The following NAV2 variants were observed in gnomAD, a reference collection of about 807,000 sequenced individuals.
The protein encoded by NAV2 is neuron navigator 2.
In NAV2, 54 loss-of-function variants were observed where a neutral mutation model predicts 223.2. The ratio of observed to expected loss-of-function variants is 0.24; its 90% CI spans 0.19 to 0.30. NAV2 has a LOEUF of 0.30. Ranked by LOEUF, NAV2 falls within the 10% of genes least tolerant of loss-of-function variation. The pLI, the probability that NAV2 is intolerant of heterozygous loss-of-function variation, is 1.00. For synonymous variants in NAV2, 1,279 were observed against 1,239.3 expected, an observed-to-expected ratio of 1.03 and a Z score of -0.67; for missense variants, 2,806 against 3,147.5, an observed-to-expected ratio of 0.89 and a Z score of 2.60.
intron 10 of NAV2, 112 bp from the exon 11 acceptor site, chr11:19,984,013 T>C: frequency 7.1e-7 from 1 of 1,402,990 alleles, no homozygotes; most frequent in South Asian, 1.2e-5. Flanking sequence ...GAATCCTCCG[T>C]TTCTTCCCCC....
At chr11:19,902,505 AAG>A (rs1158104037) in intron 6 of NAV2, among the ~76,000 whole-genome samples, 1 of 152,214 alleles carries the variant, frequency 6.6e-6, no homozygotes, top group African/African-American at 2.4e-5. Flanking sequence ...AGTAGAGAAA[AAG>A]AGAAAATATA....
chr11:19,984,525 C>A (rs1456738984), intron 11 of NAV2, among the ~76,000 whole-genome samples: 2 of 152,152 alleles, frequency 1.3e-5, no homozygotes, highest in Admixed American at 1.3e-4. Context: ...TTGCTTGTTG[C>A]TACTGTGTCT....
At chr11:20,113,969 C>T (rs1487044886) in intron 36 of NAV2, among the ~76,000 whole-genome samples, 1 of 152,196 alleles carries the variant, frequency 6.6e-6, no homozygotes, top group Non-Finnish European at 1.5e-5. Context: ...CATGATCATG[C>T]CACTATACTC....
intron 1 of NAV2, among the ~76,000 whole-genome samples, chr11:19,369,949 A>G (rs1848416395): frequency 6.6e-6 from 1 of 152,172 alleles, no homozygotes; most frequent in African/African-American, 2.4e-5. Context: ...ACTTCTCTGT[A>G]TTAGCTGCCT....
At position 20,114,596 on chromosome 11, in the gene NAV2, A is replaced by G. The variant is rs1469393345; in HGVS notation, c.6965A>G (p.Tyr2322Cys). The G allele has an allele frequency of 4.3e-6, 7 of 1,613,948 alleles. No individual in the cohort carries two copies. Among genetic ancestry groups the G allele is most frequent in the African/African-American group, 1.3e-5 (1 of 74,936 alleles). Residue 2322 changes from tyrosine (Y) to cysteine (C), a missense_variant, in exon 37 of 38, where the codon TAT (tyrosine) becomes TGT (cysteine). Physicochemically the swap from Tyr to Cys is radical, Grantham distance 194 (BLOSUM62 -2). Coordinates refer to ENST00000349880, the MANE Select transcript of NAV2 (RefSeq NM_145117.5). Reference sequence around the variant, plus strand: ...TCCTTCTTTGCCTGTTTTCAGCTCTATGGAAGGCGCGCCCCCTGGGAGGAT... The same window carrying G: ...TCCTTCTTTGCCTGTTTTCAGCTCTGTGGAAGGCGCGCCCCCTGGGAGGAT... ...LEAVREGLQL[Y>C]GRRAPWEDPA...
At chr11:19,599,579 C>T (rs565862143) in intron 1 of NAV2, among the ~76,000 whole-genome samples, 41 of 152,250 alleles carry the variant, frequency 2.7e-4, no homozygotes, top group South Asian at 2.1e-4. Context: ...AGGGAGAAAA[C>T]GAAAACTGCC....
At chr11:19,717,338 C>T (rs1297142738) in intron 1 of NAV2, among the ~76,000 whole-genome samples, 1 of 152,220 alleles carries the variant, frequency 6.6e-6, no homozygotes, top group East Asian at 1.9e-4. Context: ...CAGGGCACAA[C>T]ACAGGGAGGC....
chr11:19,746,790 C>T (rs1386092798), intron 1 of NAV2, among the ~76,000 whole-genome samples: 3 of 151,938 alleles, frequency 2.0e-5, no homozygotes, highest in Non-Finnish European at 4.4e-5. Context: ...AATTGGTACT[C>T]CTGATTGCAA....
At position 19,978,359 on chromosome 11, in the gene NAV2, G is replaced by C. The variant is rs533971206; in HGVS notation, c.2646-5766G>C. On this transcript the variant is annotated intron_variant, in intron 10 of 37. Transcript: ENST00000349880. ...GGCCTGTGAAAGCATATGATGTTTG[G>C]GGATCTGGATGTTGATGACATTGCT... Among the ~76,000 whole-genome samples, 102 of 152,256 alleles carry C rather than the reference G, an allele frequency of 6.7e-4. 2 individuals are homozygous for C. The Middle Eastern group carries it at 0.01, about 15-fold the overall frequency.
At chr11:19,889,529 A>G (rs1046318117) in intron 5 of NAV2, among the ~76,000 whole-genome samples, 1 of 152,188 alleles carries the variant, frequency 6.6e-6, no homozygotes, top group Admixed American at 6.5e-5. Context: ...TGACGGCTAT[A>G]TGCAAACCAT....
upstream of NAV2, among the ~76,000 whole-genome samples, chr11:19,708,342 T>TCCCAATAA (rs2049736512): frequency 6.6e-6 from 1 of 152,226 alleles, no homozygotes. Context: ...GCATTTTTTT[T>TCCCAATAA]ACTCCCAAAT....
chr11:19,504,829 G>T (rs2043071981), intron 1 of NAV2: 1 of 152,190 alleles, frequency 6.6e-6, no homozygotes, highest in Non-Finnish European at 1.5e-5. Context: ...TTTCTGTGTG[G>T]GGGCCCTGTG....
intron 3 of NAV2, among the ~76,000 whole-genome samples, chr11:19,864,401 A>G (rs1565454163): frequency 6.6e-6 from 1 of 152,206 alleles, no homozygotes; most frequent in Non-Finnish European, 1.5e-5. Context: ...ATGGTATTTG[A>G]TCAGTCTCTA....
At chr11:19,569,830 A>G (rs1401002122) in intron 1 of NAV2, among the ~76,000 whole-genome samples, 1 of 152,294 alleles carries the variant, frequency 6.6e-6, no homozygotes, top group Admixed American at 6.5e-5. Flanking sequence ...ATGAGATGAA[A>G]TGGCTCATGG....
chr11:19,885,626 G>C (rs12804687), intron 5 of NAV2, among the ~76,000 whole-genome samples: 69,230 of 152,082 alleles, frequency 0.46, 17,695 homozygotes, highest in Non-Finnish European at 0.58. Context: ...AATTAATGAA[G>C]TATTAAACAA....
chr11:19,497,208 A>G lies in NAV2; in HGVS notation c.75+146181A>G, dbSNP rs11826340. Among the ~76,000 whole-genome samples the G allele has an allele frequency of 4.3e-3, 653 of 152,392 alleles. 6 individuals carry two copies. Among genetic ancestry groups the G allele is most frequent in the African/African-American group, 0.015 (623 of 41,594 alleles). ...CTCCTTCTACTTCTGTAAAATGGCA[A>G]TAATGACAGTCTCTGCCTCACAGGT... On this transcript the variant is annotated intron_variant, in intron 1 of 37. Coordinates refer to the NAV2 transcript ENST00000360655.
chr11:19,804,709 T>A (rs747112915), intron 1 of NAV2, among the ~76,000 whole-genome samples: 3 of 152,192 alleles, frequency 2.0e-5, no homozygotes, highest in Non-Finnish European at 4.4e-5. Flanking sequence ...TGAGTTGACA[T>A]GAAACTTACA....
intron 5 of NAV2, among the ~76,000 whole-genome samples, chr11:19,892,189 CAT>C (rs1372729292): frequency 2.0e-5 from 3 of 152,158 alleles, no homozygotes; most frequent in Non-Finnish European, 4.4e-5. Context: ...AATCCACAAA[CAT>C]ATTTCTTCAT....
intron 1 of NAV2, among the ~76,000 whole-genome samples, chr11:19,365,349 C>T (rs756218026): frequency 2.0e-5 from 3 of 152,176 alleles, no homozygotes; most frequent in Non-Finnish European, 2.9e-5. Flanking sequence ...TTTTCCTACC[C>T]GATACATCAT....
Sources: allele counts gnomAD v4.1 joint callset (sites outside exome capture counted in the v4.1 genomes callset), GRCh38; gene constraint gnomAD v4.1.1; transcripts MANE v1.5; gene names NCBI Gene and HGNC (gene_info 2026-07-23, HGNC 2026-07-21).